The following GAS6 variants were observed in gnomAD, a reference collection of about 807,000 sequenced individuals.
GAS6 encodes the protein growth arrest specific 6, also known as growth arrest-specific protein 6.
In GAS6, 41 loss-of-function variants were observed where a neutral mutation model predicts 75.8. The ratio of observed to expected loss-of-function variants is 0.54; its 90% CI spans 0.42 to 0.70. The LOEUF (loss-of-function observed/expected upper bound fraction) is 0.70. GAS6 is among the 30% of genes least tolerant of loss of function. GAS6 has a pLI of 0.00. For missense variants in GAS6, 854 were observed against 940.2 expected (o/e 0.91, Z 1.20); for synonymous variants, 432 against 412.6 (o/e 1.05, Z -0.57).
At chr13:113,846,991 A>C in intron 3 of GAS6, 1 of 504,542 alleles carries the variant, frequency 2.0e-6, no homozygotes. Flanking sequence ...CTTTGGAGAA[A>C]GCCCCTCCAT....
In GAS6 at chr13:113,863,109, T is replaced by C. The variant is rs1410631571; in HGVS notation, c.255+466A>G. ...CCCGCATGCGGCCCCGCTCGATTCC[T>C]GGAATCTTATTTTTGGACCTGCTGC... On this transcript the variant is annotated intron_variant, in intron 2 of 14. Coordinates refer to ENST00000327773, the MANE Select transcript of GAS6 (RefSeq NM_000820.4). The surrounding 1 kb of genome is among the most constrained non-coding windows in gnomAD (Gnocchi z 9.4). 6.6e-6 allele frequency among the ~76,000 whole-genome samples: 1 copy of C among 152,096 alleles called. No individual in the cohort carries two copies. Among genetic ancestry groups the C allele is most frequent in the African/African-American group, 2.4e-5 (1 of 41,422 alleles).
intron 2 of GAS6, among the ~76,000 whole-genome samples, chr13:113,854,150 G>A (rs887413029): frequency 6.6e-6 from 1 of 152,212 alleles, no homozygotes; most frequent in African/African-American, 2.4e-5. Flanking sequence ...CCCTTGCTGG[G>A]AGCCCTCTTC....
intron 11 of GAS6, among the ~76,000 whole-genome samples, chr13:113,827,401 T>G (rs944575692): frequency 6.6e-6 from 1 of 152,192 alleles, no homozygotes; most frequent in Non-Finnish European, 1.5e-5. Context: ...ATTTTAAAGC[T>G]AGGAAAGGAC....
At chr13:113,857,975 G>A (rs2051927659) in intron 2 of GAS6, among the ~76,000 whole-genome samples, 1 of 152,254 alleles carries the variant, frequency 6.6e-6, no homozygotes, top group Admixed American at 6.5e-5. Context: ...AGGAGGCCGG[G>A]CCGGGGTCCA....
chr13:113,853,448 C>A (rs2051891554), intron 2 of GAS6, among the ~76,000 whole-genome samples: 1 of 152,208 alleles, frequency 6.6e-6, no homozygotes, highest in South Asian at 2.1e-4. Flanking sequence ...CGATGTCAGT[C>A]CTGCATAAAT....
At chr13:113,849,216 C>G (rs1423157327) in intron 2 of GAS6, among the ~76,000 whole-genome samples, 1 of 152,216 alleles carries the variant, frequency 6.6e-6, no homozygotes, top group Admixed American at 6.5e-5. Context: ...AAGGAAGGGT[C>G]AGGGTGAGCT....
At chr13:113,825,941 G>C (rs1009529290) in intron 12 of GAS6, among the ~76,000 whole-genome samples, 24 of 152,212 alleles carry the variant, frequency 1.6e-4, no homozygotes, top group South Asian at 2.1e-4. Context: ...CCTGAGATCT[G>C]ACGGAGGGGG....
chr13:113,833,940 G>GTCGGTCACGTTGGCT (rs2051664257), intron 8 of GAS6, among the ~76,000 whole-genome samples: 1 of 148,452 alleles, frequency 6.7e-6, no homozygotes. Context: ...AGTGTGACAG[G>GTCGGTCACGTTGGCT]CCCCGGTGTG....
At position 113,863,186 on chromosome 13, in the gene GAS6, T is replaced by C. The variant is rs2051986791; in HGVS notation, c.255+389A>G. ...TTCAATTCCTCTTTCGGGAGGGGAC[T>C]GCTCTCCACCCCTCTCAGGAGGACG... On this transcript the variant is annotated intron_variant, in intron 2 of 14. Coordinates refer to ENST00000327773, the MANE Select transcript of GAS6 (RefSeq NM_000820.4). The surrounding 1 kb of genome is among the most constrained non-coding windows in gnomAD (Gnocchi z 9.4). 6.6e-6 allele frequency among the ~76,000 whole-genome samples: 1 copy of C among 152,202 alleles called. No homozygotes were observed. Among genetic ancestry groups the C allele is most frequent in the South Asian group, 2.1e-4 (1 of 4,832 alleles).
chr13:113,840,098 G>A, intron 4 of GAS6: 1 of 519,116 alleles, frequency 1.9e-6, no homozygotes, highest in South Asian at 2.5e-5. Flanking sequence ...CAGCAGGCCT[G>A]GACGCAAGGT....
intron 2 of GAS6, among the ~76,000 whole-genome samples, chr13:113,852,821 T>G (rs2051886349): frequency 6.6e-6 from 1 of 152,170 alleles, no homozygotes. Context: ...GCGGCAACCC[T>G]ACCAGCAGGG....
intron 8 of GAS6, chr13:113,833,587 T>G (rs905791845): frequency 2.9e-5 from 30 of 1,020,422 alleles, no homozygotes; most frequent in Non-Finnish European, 3.5e-5. Context: ...CAGGTCAGTG[T>G]GACAGGTCGG....
intron 2 of GAS6, among the ~76,000 whole-genome samples, chr13:113,858,661 GTCTGTGTGTGCCTA>G (rs1566375940): frequency 6.7e-5 from 6 of 89,206 alleles, no homozygotes; most frequent in African/African-American, 2.6e-4. Context: ...ATGTGTACAT[GTCTGTGTGTGCCTA>G]TGTATGCATG....
At chr13:113,854,792 G>A (rs2051901418) in intron 2 of GAS6, among the ~76,000 whole-genome samples, 1 of 152,250 alleles carries the variant, frequency 6.6e-6, no homozygotes, top group Non-Finnish European at 1.5e-5. Flanking sequence ...GCTGTTGGAT[G>A]GGAGGGATGC....
In GAS6 at chr13:113,823,488, G is replaced by A. The variant is rs758433119; in HGVS notation, c.1540C>T (p.Arg514Cys). Residue 514 changes from arginine (R) to cysteine (C), a missense_variant, in exon 13 of 15, where the codon CGC becomes TGC. Arg to Cys is a radical substitution (Grantham distance 180). Transcript: ENST00000327773. ...TWEVEVVAHIRPAADTGVLFA... is the reference protein window; with the variant it reads ...TWEVEVVAHICPAADTGVLFA... ...AGCACGCCTGTGTCTGCGGCTGGGC[G>A]GATGTGAGCCACGACTTCTACTTCC... The A allele has an allele frequency of 6.2e-6, 10 of 1,612,774 alleles. No individual in the cohort carries two copies. The highest frequency in any genetic ancestry group is 4.5e-5 in the East Asian group (2 of 44,876).
chr13:113,825,209 G>A (rs2051519756), intron 12 of GAS6, among the ~76,000 whole-genome samples: 1 of 139,374 alleles, frequency 7.2e-6, no homozygotes, highest in South Asian at 2.3e-4. Flanking sequence ...ACTCCAGTGT[G>A]GGCAACAAAG....
At chr13:113,827,305 A>G in intron 11 of GAS6, 141 bp from the exon 12 acceptor site, 1 of 750,172 alleles carries the variant, frequency 1.3e-6, no homozygotes, top group Non-Finnish European at 2.2e-6. Context: ...GGTGGTGGCC[A>G]TTTCACAGAA....
chr13:113,833,435 CTCTT>C, intron 8 of GAS6: 1 of 992,494 alleles, frequency 1.0e-6, no homozygotes, highest in African/African-American at 1.7e-5. Flanking sequence ...GTCCTGGTGA[CTCTT>C]TCCACCTGTG....
intron 4 of GAS6, chr13:113,840,120 A>AG: frequency 2.2e-6 from 1 of 459,680 alleles, no homozygotes; most frequent in Non-Finnish European, 3.9e-6. Context: ...GGAAGGGCTG[A>AG]GGGCAAAGGA....
Sources: allele counts gnomAD v4.1 joint callset (sites outside exome capture counted in the v4.1 genomes callset), GRCh38; gene constraint gnomAD v4.1.1; non-coding constraint Gnocchi (gnomAD v3.1); transcripts MANE v1.5; gene names NCBI Gene and HGNC (gene_info 2026-07-23, HGNC 2026-07-21).